HSD17B12: variants seen among roughly 807,000 people sequenced by gnomAD.
HSD17B12 encodes the protein very-long-chain 3-oxoacyl-CoA reductase.
Under a neutral mutation model 39.3 loss-of-function variants are expected in HSD17B12, and 32 were observed. The observed-to-expected ratio is 0.81, with a 90% CI of 0.61 to 1.09. HSD17B12 has a LOEUF of 1.09. Among genes scored for constraint, HSD17B12 ranks in the 50% least tolerant of loss-of-function variants. The probability of loss-of-function intolerance (pLI) is 0.00; values close to 1 mark genes in which losing one functional copy is unlikely to be tolerated. For missense variants in HSD17B12, 342 were observed against 382.9 expected (o/e 0.89, Z 0.89); for synonymous variants, 150 against 146.7 (o/e 1.02, Z -0.16).
chr11:43,656,471 T>C, the HSD17B12 span, among the ~76,000 whole-genome samples: 1 of 152,220 alleles, frequency 6.6e-6, no homozygotes, highest in Non-Finnish European at 1.5e-5. Context: ...CTTGCTTCTC[T>C]AGGTCTTTTA....
At chr11:43,852,046 A>G (rs1951537021) in intron 9 of HSD17B12, 1 of 152,228 alleles carries the variant, frequency 6.6e-6, no homozygotes, top group Non-Finnish European at 1.5e-5. Flanking sequence ...AGGCCATGTT[A>G]ACTGCCTTGA....
intron 1 of HSD17B12, among the ~76,000 whole-genome samples, chr11:43,692,082 C>G (rs1949867824): frequency 6.6e-6 from 1 of 152,064 alleles, no homozygotes; most frequent in Non-Finnish European, 1.5e-5. Context: ...TCACAGTTTA[C>G]CTTATTAGTC....
intron 1 of HSD17B12, among the ~76,000 whole-genome samples, chr11:43,719,315 C>A (rs1404586852): frequency 6.6e-6 from 1 of 152,138 alleles, no homozygotes; most frequent in Non-Finnish European, 1.5e-5. Flanking sequence ...CCCTGCCACT[C>A]CACCATGTTT....
chr11:43,798,374 A>G lies in HSD17B12; in HGVS notation c.338A>G (p.Asp113Gly). ...ATTGCTGTTGACTTTGCATCAGAAG[A>G]TATTTATGATAAAATTAAAACAGGC... is the stretch of plus-strand genomic sequence containing the variant. Reference protein sequence around the residue: ...RTIAVDFASEDIYDKIKTGLA... With the variant: ...RTIAVDFASEGIYDKIKTGLA... The change falls in exon 4 of 11, where the codon GAT (aspartate) becomes GGT (glycine). Residue 113 changes from aspartate to glycine, a missense_variant. Physicochemically the swap from Asp to Gly is moderately conservative, Grantham distance 94. Transcript: ENST00000278353. 1 of 1,612,648 alleles carries G rather than the reference A, an allele frequency of 6.2e-7. No individual in the cohort carries two copies. Among genetic ancestry groups the G allele is most frequent in the African/African-American group, 1.3e-5 (1 of 74,988 alleles).
At chr11:43,702,253 A>G (rs1055805360) in intron 1 of HSD17B12, among the ~76,000 whole-genome samples, 32 of 152,188 alleles carry the variant, frequency 2.1e-4, no homozygotes, top group Non-Finnish European at 3.8e-4. Flanking sequence ...TTTTCCAAAT[A>G]TAAGATTACA....
intron 9 of HSD17B12, among the ~76,000 whole-genome samples, chr11:43,846,231 A>G (rs891473034): frequency 7.2e-5 from 11 of 152,266 alleles, no homozygotes; most frequent in Admixed American, 4.6e-4. Context: ...CTGGGAAATG[A>G]TATATAAGGG....
the HSD17B12 span, among the ~76,000 whole-genome samples, chr11:43,583,092 C>T: frequency 2.0e-5 from 3 of 152,200 alleles, no homozygotes; most frequent in African/African-American, 7.2e-5. Context: ...TTACATACCC[C>T]TCCTCTTCCC....
chr11:43,687,141 T>C (rs529126580), intron 1 of HSD17B12, among the ~76,000 whole-genome samples: 1 of 152,368 alleles, frequency 6.6e-6, no homozygotes, highest in South Asian at 2.1e-4. Flanking sequence ...GTTAAATGTA[T>C]ATTTTAAAAA....
At chr11:43,820,749 T>A (rs921725900) in intron 6 of HSD17B12, among the ~76,000 whole-genome samples, 1 of 152,230 alleles carries the variant, frequency 6.6e-6, no homozygotes, top group African/African-American at 2.4e-5. Flanking sequence ...TGAGAAGTGT[T>A]CCAGGAGAGA....
intron 4 of HSD17B12, chr11:43,806,528 C>G (rs541576687): frequency 6.6e-6 from 1 of 151,972 alleles, no homozygotes; most frequent in East Asian, 1.9e-4. Context: ...ACCTGGAAAT[C>G]TTGTCATTTG....
At chr11:43,596,464 G>A in the HSD17B12 span, among the ~76,000 whole-genome samples, 8 of 151,850 alleles carry the variant, frequency 5.3e-5, no homozygotes, top group Admixed American at 2.0e-4. Context: ...ACAGGGTCTC[G>A]CTCTGTTGCC....
the HSD17B12 span, among the ~76,000 whole-genome samples, chr11:43,561,169 C>T: frequency 6.6e-6 from 1 of 152,204 alleles, no homozygotes; most frequent in Non-Finnish European, 1.5e-5. Flanking sequence ...CCTGACTGAT[C>T]TGTACTTAGG....
the HSD17B12 span, among the ~76,000 whole-genome samples, chr11:43,651,581 G>GTTGA: frequency 1.3e-5 from 2 of 152,076 alleles, no homozygotes; most frequent in Non-Finnish European, 2.9e-5. Context: ...AAATCCATTG[G>GTTGA]TTGATTGATT....
At chr11:43,631,535 C>G in the HSD17B12 span, among the ~76,000 whole-genome samples, 1 of 152,030 alleles carries the variant, frequency 6.6e-6, no homozygotes, top group Non-Finnish European at 1.5e-5. Flanking sequence ...AAGGTGTTCT[C>G]TCTCTCTGTG....
intron 1 of HSD17B12, among the ~76,000 whole-genome samples, chr11:43,696,732 A>T (rs572588517): frequency 1.3e-5 from 2 of 152,212 alleles, no homozygotes; most frequent in Non-Finnish European, 2.9e-5. Context: ...ATGCAGCACT[A>T]TTTACAATAG....
upstream of HSD17B12, among the ~76,000 whole-genome samples, chr11:43,677,276 C>T (rs969876388): frequency 1.3e-5 from 2 of 152,060 alleles, no homozygotes; most frequent in South Asian, 2.1e-4. Flanking sequence ...GAATTATTAT[C>T]CTTAAGTTCT....
intron 1 of HSD17B12, among the ~76,000 whole-genome samples, chr11:43,715,139 T>G (rs1950109028): frequency 6.6e-6 from 1 of 152,112 alleles, no homozygotes; most frequent in Non-Finnish European, 1.5e-5. Flanking sequence ...TTGATTGCCC[T>G]CGCCAGAACT....
At chr11:43,620,332 G>T in the HSD17B12 span, among the ~76,000 whole-genome samples, 1 of 152,132 alleles carries the variant, frequency 6.6e-6, no homozygotes, top group Non-Finnish European at 1.5e-5. Context: ...AGACTATAAA[G>T]TATGCTCAGT....
chr11:43,703,793 TC>T (rs1468821390), intron 1 of HSD17B12, among the ~76,000 whole-genome samples: 2 of 152,156 alleles, frequency 1.3e-5, no homozygotes, highest in Admixed American at 1.3e-4. Context: ...TTTGTATCTT[TC>T]TTTTTTTTCT....
Sources: gnomAD v4.1 joint callset for allele counts (sites outside exome capture counted in the v4.1 genomes callset) on GRCh38, gnomAD v4.1.1 for gene constraint, MANE v1.5 for transcripts, NCBI Gene and HGNC (gene_info 2026-07-23, HGNC 2026-07-21) for gene names.